SMOC1: variants seen among roughly 807,000 people sequenced by gnomAD.
The protein encoded by SMOC1 is SPARC related modular calcium binding 1, also known as SPARC-related modular calcium-binding protein 1.
Under a neutral mutation model 56.3 loss-of-function variants are expected in SMOC1, and 22 were observed. That is an observed-to-expected ratio of 0.39 (90% CI 0.28 to 0.56). The LOEUF is 0.56. SMOC1 is among the 20% of genes least tolerant of loss of function. The pLI, the probability that SMOC1 is intolerant of heterozygous loss-of-function variation, is 0.61. For synonymous variants in SMOC1, 193 were observed against 215.0 expected (o/e 0.90, Z 0.89); for missense variants, 509 against 565.4 (o/e 0.90, Z 1.01).
chr14:70,026,434 G>A (rs1885928443), intron 11 of SMOC1, among the ~76,000 whole-genome samples: 1 of 152,174 alleles, frequency 6.6e-6, no homozygotes, highest in South Asian at 2.1e-4. Context: ...GCCTTTCCAG[G>A]CACCAGGTGT....
chr14:70,011,448 G>GGC, intron 8 of SMOC1, 37 bp from the exon 9 acceptor site: 4 of 1,356,876 alleles, frequency 2.9e-6, no homozygotes, highest in Non-Finnish European at 4.2e-6. Context: ...TCAGTTGCCA[G>GGC]CCCCTCCCAA....
intron 5 of SMOC1, among the ~76,000 whole-genome samples, chr14:69,979,315 G>A (rs544913070): frequency 5.3e-5 from 8 of 152,300 alleles, no homozygotes; most frequent in African/African-American, 1.9e-4. Context: ...TGTGGAAGTG[G>A]AACAGGTGAT....
intron 1 of SMOC1, among the ~76,000 whole-genome samples, chr14:69,945,527 C>A (rs1276025385): frequency 6.6e-6 from 1 of 152,168 alleles, no homozygotes; most frequent in Non-Finnish European, 1.5e-5. Context: ...TGAGTGAAGT[C>A]AAATCTGTTA....
chr14:69,949,683 G>A (rs1326216911), intron 1 of SMOC1, among the ~76,000 whole-genome samples: 1 of 152,208 alleles, frequency 6.6e-6, no homozygotes, highest in Admixed American at 6.5e-5. Context: ...TGAAGGCCTG[G>A]AAGTAGCAGC....
chr14:70,030,970 G>A lies in SMOC1; in HGVS notation c.*712G>A, dbSNP rs1886129844. 6.6e-6 allele frequency: 1 copy of A among 152,176 alleles called. No homozygotes were observed. The highest frequency in any genetic ancestry group is 1.5e-5 in the Non-Finnish European group (1 of 68,078). 9.4% of individuals were successfully genotyped at this position (152,176 alleles called of 1,614,324 possible). ...GAAGGGAGTCCAGATCCCATGAATA[G>A]CCCACACAGGTACCGGCTCTCAGAG... On this transcript the variant is annotated 3_prime_UTR_variant, in exon 12 of 12. Transcript: ENST00000361956.
At chr14:69,967,278 C>T (rs531883488) in intron 3 of SMOC1, among the ~76,000 whole-genome samples, 9 of 152,340 alleles carry the variant, frequency 5.9e-5, no homozygotes, top group African/African-American at 1.7e-4. Flanking sequence ...CATTCCCCAA[C>T]AGGCAATCCT....
At chr14:70,012,083 C>A (rs1332334771) in intron 9 of SMOC1, among the ~76,000 whole-genome samples, 3 of 152,308 alleles carry the variant, frequency 2.0e-5, no homozygotes, top group East Asian at 3.9e-4. Flanking sequence ...TCTCTGCCTG[C>A]AAGTTACAGT....
At chr14:69,905,300 G>A (rs969410992) in intron 1 of SMOC1, among the ~76,000 whole-genome samples, 9 of 151,972 alleles carry the variant, frequency 5.9e-5, no homozygotes, top group African/African-American at 1.9e-4. Context: ...CAGAGGGAAC[G>A]CATGTGCAAA....
chr14:69,913,031 C>G (rs994578116), intron 1 of SMOC1, among the ~76,000 whole-genome samples: 1 of 152,172 alleles, frequency 6.6e-6, no homozygotes, highest in African/African-American at 2.4e-5. Context: ...TAATGGCTGG[C>G]ATGTGGAGAC....
chr14:69,989,494 A>G (rs551744370), intron 5 of SMOC1, among the ~76,000 whole-genome samples: 47 of 152,300 alleles, frequency 3.1e-4, no homozygotes, highest in Admixed American at 2.6e-4. Context: ...GATGGTTTGC[A>G]CTCATGGAAT....
chr14:69,880,142 C>G (rs1323025725), intron 1 of SMOC1, among the ~76,000 whole-genome samples: 2 of 146,274 alleles, frequency 1.4e-5, no homozygotes, highest in Non-Finnish European at 3.0e-5. Context: ...CGCTGGCGCC[C>G]GGTCCAGCGC....
At chr14:69,889,077 T>C (rs1346628742) in intron 1 of SMOC1, among the ~76,000 whole-genome samples, 2 of 152,196 alleles carry the variant, frequency 1.3e-5, no homozygotes, top group African/African-American at 4.8e-5. Flanking sequence ...GTTAGTACAC[T>C]GAGGACCTGA....
Position 69,907,004 on chromosome 14 carries a change from A to G in SMOC1, c.99+27227A>G, listed in dbSNP as rs184460096. ...GTTGGAGATGCAGCAGGAAAAAATT[A>G]CTAGAGGAATGTCTTGAGGGAAATA... On this transcript the variant is annotated intron_variant, in intron 1 of 11. Transcript: ENST00000361956. Among the ~76,000 whole-genome samples the G allele has an allele frequency of 1.3e-4, 20 of 152,362 alleles. No individual in the cohort carries two copies. In the East Asian group the frequency reaches 3.7e-3, roughly 28 times the overall value.
At chr14:70,011,345 G>A (rs886579446) in intron 8 of SMOC1, 140 bp from the exon 9 acceptor site, 62 of 781,912 alleles carry the variant, frequency 7.9e-5, no homozygotes, top group Non-Finnish European at 1.0e-4. Flanking sequence ...TGTAGCTGCC[G>A]GGCAGCGCAA....
intron 7 of SMOC1, among the ~76,000 whole-genome samples, chr14:70,008,648 G>A (rs375080351): frequency 1.7e-4 from 26 of 152,288 alleles, no homozygotes; most frequent in African/African-American, 5.3e-4. Flanking sequence ...CTGGGGAAGC[G>A]CCCCCCTTCT....
At chr14:69,917,609 C>G (rs1884719518) in intron 1 of SMOC1, among the ~76,000 whole-genome samples, 1 of 152,230 alleles carries the variant, frequency 6.6e-6, no homozygotes, top group African/African-American at 2.4e-5. Flanking sequence ...TGCTGGCGGT[C>G]TTCAGCGGGT....
At chr14:69,989,291 T>A (rs1884480284) in intron 5 of SMOC1, among the ~76,000 whole-genome samples, 2 of 152,236 alleles carry the variant, frequency 1.3e-5, no homozygotes, top group South Asian at 4.1e-4. Flanking sequence ...TGATTAACAA[T>A]GTTGGATATC....
Position 69,911,729 on chromosome 14 carries a change from CA to C in SMOC1, c.99+31953del, listed in dbSNP as rs1345665784. On this transcript the variant is annotated intron_variant, in intron 1 of 11. Coordinates refer to ENST00000361956, the MANE Select transcript of SMOC1 (RefSeq NM_001034852.3). Reference sequence around the variant, plus strand: ...GTAGTATTCCATGATGTGAATGTATCATGGTTTGTTCATGCATTCACCAGAT... The same window carrying C: ...GTAGTATTCCATGATGTGAATGTATCTGGTTTGTTCATGCATTCACCAGAT... 1.3e-5 allele frequency among the ~76,000 whole-genome samples: 2 copies of C among 152,138 alleles called. 1 individual carries two copies. Among genetic ancestry groups the C allele is most frequent in the Middle Eastern group, 6.3e-3 (2 of 316 alleles).
intron 7 of SMOC1, among the ~76,000 whole-genome samples, chr14:70,006,449 A>G (rs1316063027): frequency 6.6e-6 from 1 of 152,186 alleles, no homozygotes; most frequent in East Asian, 1.9e-4. Context: ...GTACTTACTG[A>G]TTAGCATATG....
Sources: allele counts gnomAD v4.1 joint callset (sites outside exome capture counted in the v4.1 genomes callset), GRCh38; gene constraint gnomAD v4.1.1; transcripts MANE v1.5; gene names NCBI Gene and HGNC (gene_info 2026-07-23, HGNC 2026-07-21).